Variants in BZW2 observed in about 807,000 individuals in gnomAD.
BZW2 encodes the protein basic leucine zipper and W2 domains 2.
BZW2 carries 23 observed loss-of-function variants against 53.2 expected under a neutral mutation model. That is an observed-to-expected ratio of 0.43 (90% CI 0.31 to 0.61). BZW2 has a LOEUF of 0.61. Ranked by LOEUF, BZW2 falls within the 20% of genes least tolerant of loss-of-function variation. BZW2 has a pLI of 0.09. For synonymous variants in BZW2, 227 were observed against 186.4 expected, an observed-to-expected ratio of 1.22 and a Z score of -1.77; for missense variants, 409 against 503.1, an observed-to-expected ratio of 0.81 and a Z score of 1.79.
chr7:16,686,032 T>G lies in BZW2; in HGVS notation c.533T>G (p.Val178Gly). The change falls in exon 6 of 12, where the codon GTC becomes GGC. Residue 178 changes from valine (V) to glycine (G), a missense_variant. Val to Gly is a moderately radical substitution (Grantham distance 109). Around this residue, in one of 3 missense-constraint regions of BZW2, gnomAD observed 316 missense variants for 366.8 expected, o/e 0.86. Transcript: ENST00000258761. ...ILTSLFTDSLVKEGIAASFAV... is the reference protein window; with the variant it reads ...ILTSLFTDSLGKEGIAASFAV... ...ACCAGTCTCTTCACCGACAGCTTAG[T>G]CAAAGAAGGTAACGAGGCTCCTGTT... The G allele has an allele frequency of 1.2e-6, 2 of 1,612,300 alleles. No homozygotes were observed. The highest frequency in any genetic ancestry group is 1.7e-6 in the Non-Finnish European group (2 of 1,179,402).
chr7:16,661,679 G>A (rs1437207998), intron 1 of BZW2, among the ~76,000 whole-genome samples: 2 of 152,024 alleles, frequency 1.3e-5, no homozygotes, highest in African/African-American at 4.8e-5. Context: ...TTACCTTGTG[G>A]AGTATCCAAG....
chr7:16,651,021 G>C (rs185486851), intron 1 of BZW2, among the ~76,000 whole-genome samples: 5 of 152,126 alleles, frequency 3.3e-5, no homozygotes, highest in African/African-American at 9.6e-5. Context: ...TGTTTTTTAA[G>C]TTTATTCAAA....
At chr7:16,666,691 A>G (rs1406694543) in intron 2 of BZW2, among the ~76,000 whole-genome samples, 2 of 152,020 alleles carry the variant, frequency 1.3e-5, no homozygotes, top group African/African-American at 4.8e-5. Flanking sequence ...TATTTTTGAA[A>G]TAGGGTCTTG....
At chr7:16,682,410 A>C (rs1442206839) in intron 4 of BZW2, among the ~76,000 whole-genome samples, 1 of 152,144 alleles carries the variant, frequency 6.6e-6, no homozygotes, top group Non-Finnish European at 1.5e-5. Flanking sequence ...TCTGTCCTGC[A>C]CTTTGCTCTC....
intron 1 of BZW2, among the ~76,000 whole-genome samples, chr7:16,655,216 C>G (rs927766564): frequency 1.3e-5 from 2 of 152,014 alleles, no homozygotes; most frequent in African/African-American, 4.8e-5. Flanking sequence ...TCTGTAGACT[C>G]CAGAGGAAAT....
At chr7:16,698,373 C>A in intron 10 of BZW2, 187 bp downstream of exon 10, 1 of 709,630 alleles carries the variant, frequency 1.4e-6, no homozygotes, top group Non-Finnish European at 2.2e-6. Flanking sequence ...GCCATATATG[C>A]GTTGCCTTGG....
In BZW2 at chr7:16,678,087, CTTTT is replaced by C. The variant is rs71007780; in HGVS notation, c.236-3192_236-3189del. 8.8e-3 allele frequency among the ~76,000 whole-genome samples: 588 copies of C among 66,918 alleles called. 4 individuals are homozygous for C. Among genetic ancestry groups the C allele is most frequent in the African/African-American group, 0.031 (564 of 18,162 alleles). 43.9% of individuals were successfully genotyped at this position (66,918 alleles called of 152,430 possible). ...TCACAATTTACCTTCTTCCATTGTTCTTTTTTTTTTTTTTTTTTTTTTTTTAATG... is the reference window on the plus strand; with the variant it reads ...TCACAATTTACCTTCTTCCATTGTTCTTTTTTTTTTTTTTTTTTTTTAATG... On this transcript the variant is annotated intron_variant, in intron 3 of 11. Coordinates refer to ENST00000258761, the MANE Select transcript of BZW2 (RefSeq NM_014038.3).
chr7:16,683,157 C>G (rs1044710495), intron 5 of BZW2, among the ~76,000 whole-genome samples: 1 of 152,152 alleles, frequency 6.6e-6, no homozygotes, highest in Admixed American at 6.5e-5. Flanking sequence ...GATCACTCCA[C>G]TGCACTCCAG....
At chr7:16,674,327 G>A (rs1343897142) in intron 2 of BZW2, 85 bp from the exon 3 acceptor site, 3 of 1,069,972 alleles carry the variant, frequency 2.8e-6, no homozygotes, top group African/African-American at 3.2e-5. Context: ...TCCTATCTTA[G>A]ATAAAATAGA....
At chr7:16,700,959 C>G (rs1371606171) in intron 10 of BZW2, 1 of 152,112 alleles carries the variant, frequency 6.6e-6, no homozygotes, top group African/African-American at 2.4e-5. Context: ...CTCCCCTTTC[C>G]CAACATGTCC....
At chr7:16,667,729 C>T (rs562460438) in intron 2 of BZW2, among the ~76,000 whole-genome samples, 57 of 152,086 alleles carry the variant, frequency 3.7e-4, no homozygotes, top group Non-Finnish European at 6.0e-4. Context: ...TTCAAGTGAC[C>T]GGAAAATAGT....
chr7:16,659,856 T>A (rs1009595002), intron 1 of BZW2, among the ~76,000 whole-genome samples: 7 of 152,086 alleles, frequency 4.6e-5, no homozygotes, highest in Admixed American at 2.0e-4. Context: ...TTTTTTATTT[T>A]TTTTTTTATT....
At position 16,647,197 on chromosome 7, in the gene BZW2, A is replaced by G. The variant is rs186291808; in HGVS notation, c.-8+909A>G. Among the ~76,000 whole-genome samples the G allele has an allele frequency of 3.0e-3, 462 of 152,326 alleles. 2 individuals carry two copies. The highest frequency in any genetic ancestry group is 6.0e-3 in the Admixed American group (92 of 15,306). On this transcript the variant is annotated intron_variant, in intron 1 of 11. Transcript: ENST00000258761. ...CAGATTTATATTTACATCATCAATGAAAGTTTCTTTGGAAATTAGTGTTTA... is the reference window on the plus strand; with the variant it reads ...CAGATTTATATTTACATCATCAATGGAAGTTTCTTTGGAAATTAGTGTTTA...
At chr7:16,653,818 TA>T in intron 1 of BZW2, among the ~76,000 whole-genome samples, 1 of 152,254 alleles carries the variant, frequency 6.6e-6, no homozygotes, top group South Asian at 2.1e-4. Context: ...GGGGCTAGGA[TA>T]TAAGGTCAAG....
intron 2 of BZW2, among the ~76,000 whole-genome samples, chr7:16,666,906 C>T (rs1782446094): frequency 1.3e-5 from 2 of 150,538 alleles, no homozygotes; most frequent in African/African-American, 2.4e-5. Context: ...TGAGCCACTA[C>T]ACCAAGCCAA....
intron 1 of BZW2, among the ~76,000 whole-genome samples, chr7:16,653,660 G>A (rs1016158051): frequency 1.3e-5 from 2 of 152,164 alleles, no homozygotes; most frequent in African/African-American, 4.8e-5. Flanking sequence ...TTTTCTGGAG[G>A]AAGGAACATT....
chr7:16,661,977 C>T (rs947942343), intron 1 of BZW2, among the ~76,000 whole-genome samples: 3 of 152,112 alleles, frequency 2.0e-5, no homozygotes, highest in African/African-American at 7.2e-5. Context: ...AGTGTACTAA[C>T]AGCCTTTGAC....
intron 1 of BZW2, among the ~76,000 whole-genome samples, chr7:16,662,893 A>C (rs1442866254): frequency 2.0e-5 from 3 of 152,196 alleles, no homozygotes; most frequent in Non-Finnish European, 4.4e-5. Context: ...TTCTTTTTGC[A>C]TCTTGGTACA....
intron 10 of BZW2, among the ~76,000 whole-genome samples, chr7:16,703,907 T>A (rs1783750954): frequency 1.3e-5 from 2 of 152,196 alleles, no homozygotes; most frequent in African/African-American, 2.4e-5. Flanking sequence ...CTTAATGTAG[T>A]AGAGGAAAAA....
Sources: gnomAD v4.1 joint callset for allele counts (sites outside exome capture counted in the v4.1 genomes callset) on GRCh38, gnomAD v4.1.1 for gene constraint, gnomAD v4.1.1 regional missense constraint, MANE v1.5 for transcripts, NCBI Gene and HGNC (gene_info 2026-07-23, HGNC 2026-07-21) for gene names.